Variants in FBXW12 observed in about 807,000 individuals in gnomAD.
FBXW12 encodes the protein F-box and WD repeat domain containing 12.
FBXW12 carries 43 observed loss-of-function variants against 55.3 expected under a neutral mutation model. That is an observed-to-expected ratio of 0.78 (90% CI 0.61 to 1.00). The LOEUF is 1.00. Ranked by LOEUF, FBXW12 falls within the 50% of genes least tolerant of loss-of-function variation. FBXW12 has a pLI of 0.00. For missense variants in FBXW12, 524 were observed against 560.5 expected, an observed-to-expected ratio of 0.93 and a Z score of 0.66; for synonymous variants, 184 against 203.8, an observed-to-expected ratio of 0.90 and a Z score of 0.83.
chr3:48,381,300 GA>G (rs1309189680), intron 8 of FBXW12, among the ~76,000 whole-genome samples: 2 of 152,072 alleles, frequency 1.3e-5, no homozygotes, highest in Non-Finnish European at 2.9e-5. Flanking sequence ...GGGATTACAG[GA>G]GTGAGCCATC....
chr3:48,379,301 G>C, intron 6 of FBXW12, 99 bp from the exon 7 acceptor site: 1 of 1,087,452 alleles, frequency 9.2e-7, no homozygotes, highest in Non-Finnish European at 1.4e-6. Flanking sequence ...TGTGATTGAA[G>C]AAACAGTGGC....
At chr3:48,390,737 T>C (rs1382750555) in intron 10 of FBXW12, among the ~76,000 whole-genome samples, 2 of 152,084 alleles carry the variant, frequency 1.3e-5, no homozygotes, top group Admixed American at 1.3e-4. Flanking sequence ...AGCAGTGTTT[T>C]GTAGTTCTCC....
At chr3:48,373,797 A>C in intron 4 of FBXW12, 92 bp downstream of exon 4, 112 of 1,226,438 alleles carry the variant, frequency 9.1e-5, no homozygotes, top group Middle Eastern at 2.0e-4. Flanking sequence ...GTGTATTCTC[A>C]TTCAGTAAAG....
chr3:48,381,028 T>TG (rs1439754464), intron 8 of FBXW12, 116 bp downstream of exon 8: 6 of 847,596 alleles, frequency 7.1e-6, no homozygotes, highest in African/African-American at 1.7e-5. Context: ...TCTAGTTTTT[T>TG]TTTTTTTTTT....
rs1470132534 is a variant in FBXW12 at position 48,391,378 on chromosome 3, A to T, written c.1296-3182A>T. Reference sequence around the variant, plus strand: ...CACATATATATATAAAATCAATCATATTGTCATATTGTCCACAAATAGATA... The same window carrying T: ...CACATATATATATAAAATCAATCATTTTGTCATATTGTCCACAAATAGATA... On this transcript the variant is annotated intron_variant, in intron 10 of 10. Transcript: ENST00000296438. Among the ~76,000 whole-genome samples, 9 of 151,744 alleles carry T rather than the reference A, an allele frequency of 5.9e-5. No individual in the cohort carries two copies. In the South Asian group the frequency reaches 1.9e-3, roughly 32 times the overall value.
At position 48,382,090 on chromosome 3, in the gene FBXW12, GCT is replaced by G; in HGVS notation, c.1295+8_1295+9del. 1 of 1,613,454 alleles carries G rather than the reference GCT, an allele frequency of 6.2e-7. No individual in the cohort carries two copies. Among genetic ancestry groups the G allele is most frequent in the Non-Finnish European group, 8.5e-7 (1 of 1,179,986 alleles). Reference sequence around the variant, plus strand: ...GCATGATCACACAACAGACAGGTAAGCTCTGTTTTGTGATGTAAACATCCCCT... The same window carrying G: ...GCATGATCACACAACAGACAGGTAAGCTGTTTTGTGATGTAAACATCCCCT... On this transcript the variant is annotated splice_donor_region_variant and intron_variant, in intron 10 of 10. Transcript: ENST00000296438.
rs2036780961 is a variant in FBXW12 at position 48,381,879 on chromosome 3, G to T, written c.1164+1G>T. On this transcript the variant is annotated splice_donor_variant, in intron 9 of 10. Transcript: ENST00000296438. LOFTEE classifies it high-confidence loss of function. The stretch of plus-strand genomic sequence containing the variant: ...GGCAGCCATCAACAACTTCTGGGTG[G>T]TATGTATGATTCTCCTCCACTGCTT... 6.2e-7 allele frequency: 1 copy of T among 1,609,004 alleles called. No homozygotes were observed. Among genetic ancestry groups the T allele is most frequent in the Non-Finnish European group, 8.5e-7 (1 of 1,176,268 alleles).
Position 48,372,683 on chromosome 3 carries a change from GTGC to G in FBXW12, c.-81_-79del. 1 of 1,610,402 alleles carries G rather than the reference GTGC, an allele frequency of 6.2e-7. No individual in the cohort carries two copies. The highest frequency in any genetic ancestry group is 8.5e-7 in the Non-Finnish European group (1 of 1,177,182). ...TGGGCATGGGTGAAAATCTTTACAAGTGCTGCAGACTTTGGCAAAGCCTATAAA... is the reference window on the plus strand; with the variant it reads ...TGGGCATGGGTGAAAATCTTTACAAGTGCAGACTTTGGCAAAGCCTATAAA... On this transcript the variant is annotated splice_region_variant and 5_prime_UTR_variant, in exon 2 of 11. Coordinates refer to ENST00000296438, the MANE Select transcript of FBXW12 (RefSeq NM_207102.2).
rs1321796760 is a variant in FBXW12, at chr3:48,392,000, C to T, written c.1296-2560C>T. On this transcript the variant is annotated intron_variant, in intron 10 of 10. Transcript: ENST00000296438. ...GAAGAGACTGTCCTTTCTCCATTGA[C>T]TGTTCTTGGTACTTTTGTTTTAAAA... is the stretch of plus-strand genomic sequence containing the variant. Among the ~76,000 whole-genome samples, 3 of 151,998 alleles carry T rather than the reference C, an allele frequency of 2.0e-5. No individual in the cohort carries two copies. The East Asian group carries it at 5.8e-4, about 29-fold the overall frequency.
Position 48,380,888 on chromosome 3 carries a change from A to G in FBXW12, c.961A>G (p.Thr321Ala), listed in dbSNP as rs2036757341. The G allele has an allele frequency of 6.2e-7, 1 of 1,613,902 alleles. No homozygotes were observed. Among genetic ancestry groups the G allele is most frequent in the African/African-American group, 1.3e-5 (1 of 74,928 alleles). Residue 321 changes from threonine (T) to alanine (A), a missense_variant, in exon 8 of 11, where the codon ACT (threonine) becomes GCT (alanine). Transcript: ENST00000296438. ...FITFDLTTKK[T>A]GGQTVIQAYE... The stretch of plus-strand genomic sequence containing the variant: ...CACCTTTGATCTAACAACCAAGAAG[A>G]CTGGAGGCCAAACAGTCATCCAAGG...
At chr3:48,389,390 G>C (rs1361200226) in intron 10 of FBXW12, among the ~76,000 whole-genome samples, 2 of 151,896 alleles carry the variant, frequency 1.3e-5, no homozygotes, top group African/African-American at 4.8e-5. Context: ...TGTTTTGTTT[G>C]GTTTTTGAGA....
chr3:48,378,310 T>C lies in FBXW12; in HGVS notation c.406-7T>C, dbSNP rs2036713520. On this transcript the variant is annotated splice_polypyrimidine_tract_variant and splice_region_variant and intron_variant, in intron 5 of 10. Transcript: ENST00000296438. ...TGAACACAGGTCGTGTTACTCTCGT[T>C]TTCTAGGGTACCATGATCTGGTCAA... 1 of 1,612,572 alleles carries C rather than the reference T, an allele frequency of 6.2e-7. No individual in the cohort carries two copies. The highest frequency in any genetic ancestry group is 1.1e-5 in the South Asian group (1 of 91,040).
intron 8 of FBXW12, 63 bp from the exon 9 acceptor site, chr3:48,381,637 A>G (rs1036926743): frequency 1.6e-5 from 24 of 1,469,810 alleles, no homozygotes; most frequent in African/African-American, 7.0e-5. Context: ...TTATTATTCA[A>G]TGACCTGATC....
At chr3:48,390,612 G>A (rs2036910596) in intron 10 of FBXW12, among the ~76,000 whole-genome samples, 1 of 151,068 alleles carries the variant, frequency 6.6e-6, no homozygotes, top group Admixed American at 6.6e-5. Flanking sequence ...ATGGGGTTTT[G>A]CATGTTGGCC....
chr3:48,392,661 A>ACTCT (rs2036946180), intron 10 of FBXW12, among the ~76,000 whole-genome samples: 1 of 152,002 alleles, frequency 6.6e-6, no homozygotes. Context: ...GACCAGGGAT[A>ACTCT]CTCTGTTTTA....
Position 48,373,310 on chromosome 3 carries a change from T to C in FBXW12, c.93T>C (p.His31=). The part of the protein sequence containing the change: ...GLLQVSQVNK[H]WNRIADSDYL... ...GTCTCTTCCTTTCTCTCCCATAGCA[T>C]TGGAATAGGATTGCAGACAGTGATT... Residue 31 remains histidine, a splice_region_variant and synonymous_variant, in exon 3 of 11, where the codon CAT becomes CAC. Coordinates refer to ENST00000296438, the MANE Select transcript of FBXW12 (RefSeq NM_207102.2). 1.9e-6 allele frequency: 3 copies of C among 1,614,038 alleles called. No homozygotes were observed. The highest frequency in any genetic ancestry group is 1.7e-5 in the Admixed American group (1 of 60,014).
At chr3:48,373,740 G>C in intron 4 of FBXW12, 35 bp downstream of exon 4, 3 of 1,578,810 alleles carry the variant, frequency 1.9e-6, no homozygotes, top group Non-Finnish European at 2.6e-6. Context: ...AACATGAGCA[G>C]CTTGTTTTCA....
At chr3:48,390,903 T>A (rs907385462) in intron 10 of FBXW12, among the ~76,000 whole-genome samples, 1 of 152,134 alleles carries the variant, frequency 6.6e-6, no homozygotes, top group African/African-American at 2.4e-5. Flanking sequence ...GATTTTTGTA[T>A]CCTGAAAACT....
chr3:48,394,660 T>C lies in FBXW12; in HGVS notation c.*1T>C, dbSNP rs2036980821. 1 of 1,509,990 alleles carries C rather than the reference T, an allele frequency of 6.6e-7. No homozygotes were observed. The highest frequency in any genetic ancestry group is 9.1e-7 in the Non-Finnish European group (1 of 1,093,470). 93.5% of individuals were successfully genotyped at this position (1,509,990 alleles called of 1,614,324 possible). A position where few individuals can be genotyped will look rare whatever the true frequency, so the allele number is the denominator to read the frequency against. ...GGTGATGTATTCTTTGAATACGTAATATGGAAACTAACAAAATTGACCTTG... is the reference window on the plus strand; with the variant it reads ...GGTGATGTATTCTTTGAATACGTAACATGGAAACTAACAAAATTGACCTTG... On this transcript the variant is annotated 3_prime_UTR_variant, in exon 11 of 11. Transcript: ENST00000296438.
Sources: gnomAD v4.1 joint callset for allele counts (sites outside exome capture counted in the v4.1 genomes callset) on GRCh38, gnomAD v4.1.1 for gene constraint, MANE v1.5 for transcripts, NCBI Gene and HGNC (gene_info 2026-07-23, HGNC 2026-07-21) for gene names.